KRT86: variants seen among roughly 807,000 people sequenced by gnomAD.
The protein encoded by KRT86 is keratin, type II cuticular Hb6.
A neutral mutation model predicts 41.2 loss-of-function variants in KRT86; 30 were observed. The ratio of observed to expected loss-of-function variants is 0.73; its 90% confidence interval spans 0.54 to 0.99. The LOEUF (loss-of-function observed/expected upper bound fraction) is 0.99, where lower values mean the gene tolerates loss of function less well. KRT86 is among the 50% of genes least tolerant of loss of function. The pLI is 0.00. For missense variants in KRT86, 561 were observed against 571.4 expected (o/e 0.98, Z 0.19); for synonymous variants, 238 against 238.1 (o/e 1.00, Z 0.00).
intron 2 of KRT86, among the ~76,000 whole-genome samples, chr12:52,288,745 C>T (rs1473097455): frequency 2.0e-5 from 3 of 152,080 alleles, no homozygotes; most frequent in Non-Finnish European, 4.4e-5. Flanking sequence ...ACTGACCCCC[C>T]AGCTCTCACA....
intron 2 of KRT86, chr12:52,287,896 G>T: frequency 1.9e-6 from 3 of 1,609,136 alleles, no homozygotes; most frequent in Non-Finnish European, 2.6e-6. Flanking sequence ...CTAGGGACCA[G>T]CATCCCCAGA....
chr12:52,291,490 A>C, intron 2 of KRT86: 1 of 1,611,940 alleles, frequency 6.2e-7, no homozygotes. Context: ...TTTGGGTTGC[A>C]GAGGACAGGA....
At chr12:52,308,366 C>G (rs779589975) in intron 10 of KRT86, 38 bp from the exon 11 acceptor site, 1 of 1,611,444 alleles carries the variant, frequency 6.2e-7, no homozygotes, top group South Asian at 1.1e-5. Flanking sequence ...CAGGTCGCGG[C>G]TGCGCCTGAC....
chr12:52,305,720 G>A lies in KRT86; in HGVS notation c.958G>A (p.Glu320Lys). Residue 320 changes from glutamate (E) to lysine (K), a missense_variant, in exon 8 of 11, where the codon GAG (glutamate) becomes AAG (lysine). Glu to Lys is a moderately conservative substitution (Grantham distance 56, BLOSUM62 1). This residue lies in a region of KRT86 where 397 missense variants were observed against 375.9 expected (regional missense o/e 1.06). Coordinates refer to ENST00000423955, the MANE Select transcript of KRT86 (RefSeq NM_001320198.2). ...RHGETLRRTK[E>K]EINELNRMIQ... ...CGGGGAGACCCTGCGCCGCACCAAGGAGGAGATCAACGAGCTGAACCGCAT... is the reference window on the plus strand; with the variant it reads ...CGGGGAGACCCTGCGCCGCACCAAGAAGGAGATCAACGAGCTGAACCGCAT... The A allele has an allele frequency of 3.7e-6, 6 of 1,614,084 alleles. No homozygotes were observed. The highest frequency in any genetic ancestry group is 5.1e-6 in the Non-Finnish European group (6 of 1,179,936).
chr12:52,276,075 A>G (rs968431961), intron 2 of KRT86, 129 bp downstream of exon 2: 3 of 931,088 alleles, frequency 3.2e-6, no homozygotes, highest in Non-Finnish European at 2.6e-6. Flanking sequence ...ATGTCTAAGC[A>G]TACAGCAGTG....
intron 2 of KRT86, chr12:52,285,768 C>A: frequency 5.5e-6 from 1 of 182,606 alleles, no homozygotes; most frequent in Non-Finnish European, 1.2e-5. Flanking sequence ...CAACTCTTGG[C>A]TAAATCTGAA....
In KRT86 at chr12:52,306,217, C is replaced by G. The variant is rs1328116444; in HGVS notation, c.1184C>G (p.Ser395Cys). The change falls in exon 9 of 11, where the codon TCC (serine) becomes TGC (cysteine). Residue 395 changes from serine (S) to cysteine (C), a missense_variant. This residue lies in a region of KRT86 where 397 missense variants were observed against 375.9 expected (regional missense o/e 1.06). Coordinates refer to ENST00000423955, the MANE Select transcript of KRT86 (RefSeq NM_001320198.2). Reference sequence around the variant, plus strand: ...AGGGAGTACCAGGAGGTGATGAACTCCAAGCTGGGCCTGGACATCGAGATC... The same window carrying G: ...AGGGAGTACCAGGAGGTGATGAACTGCAAGCTGGGCCTGGACATCGAGATC... ...LIREYQEVMN[S>C]KLGLDIEIAT... is the part of the protein sequence containing the mutation. 3.1e-6 allele frequency: 5 copies of G among 1,613,740 alleles called. No homozygotes were observed. Among genetic ancestry groups the G allele is most frequent in the Middle Eastern group, 3.5e-4 (2 of 5,700 alleles).
chr12:52,305,382 C>T lies in KRT86; in HGVS notation c.878C>T (p.Ala293Val), dbSNP rs376319970. 3.1e-6 allele frequency: 5 copies of T among 1,614,226 alleles called. No homozygotes were observed. The highest frequency in any genetic ancestry group is 4.2e-6 in the Non-Finnish European group (5 of 1,180,044). ...ATTGTCACCCGTAGCCGGGCTGAGG[C>T]CGAGTCCTGGTACCGCAGCAAGGTG... ...DDIVTRSRAE[A>V]ESWYRSKCEE... The change falls in exon 7 of 11, where the codon GCC becomes GTC. Residue 293 changes from alanine to valine, a missense_variant. Physicochemically the swap from Ala to Val is moderately conservative, Grantham distance 64. Around this residue, in one of 3 missense-constraint regions of KRT86, gnomAD observed 397 missense variants for 375.9 expected, o/e 1.06. Transcript: ENST00000423955.
chr12:52,297,536 C>T (rs74093106), intron 2 of KRT86, among the ~76,000 whole-genome samples: 1,842 of 152,226 alleles, frequency 0.012, 42 homozygotes, highest in African/African-American at 0.042. Context: ...CAGAATGAAC[C>T]GAAGGGAGCA....
rs375883206 is a variant in KRT86, at chr12:52,288,411, C to G, written c.-5+12465C>G. On this transcript the variant is annotated intron_variant, in intron 2 of 10. Coordinates refer to ENST00000423955, the MANE Select transcript of KRT86 (RefSeq NM_001320198.2). Reference sequence around the variant, plus strand: ...TCGATCTCCTGGATCAGGGCCTCCACGTTGGCCTCCAGGTCTGACTTGCGG... The same window carrying G: ...TCGATCTCCTGGATCAGGGCCTCCAGGTTGGCCTCCAGGTCTGACTTGCGG... 54 of 1,614,168 alleles carry G rather than the reference C, an allele frequency of 3.3e-5. No homozygotes were observed. In the Middle Eastern group the frequency reaches 2.5e-3, roughly 74 times the overall value.
chr12:52,305,220 A>C lies in KRT86; in HGVS notation c.736-20A>C. On this transcript the variant is annotated intron_variant, in intron 6 of 10. Transcript: ENST00000423955. ...TGGGGCTGTGTTCTCAACTAAAGTC[A>C]CTGCCCTCACCTCCTGCAGGAGATC... 1 of 1,614,196 alleles carries C rather than the reference A, an allele frequency of 6.2e-7. No homozygotes were observed.
chr12:52,294,117 C>T lies in KRT86; in HGVS notation c.-4-7796C>T, dbSNP rs937895203. 2.0e-5 allele frequency among the ~76,000 whole-genome samples: 3 copies of T among 152,104 alleles called. 1 individual carries two copies. Among genetic ancestry groups the T allele is most frequent in the African/African-American group, 7.2e-5 (3 of 41,396 alleles). ...CCTTTGTGAGTTCAGGGCTGCTGGG[C>T]CAGCACTTCTGAAGCTCTTTGTACC... is the stretch of plus-strand genomic sequence containing the variant. On this transcript the variant is annotated intron_variant, in intron 2 of 10. Transcript: ENST00000423955.
intron 2 of KRT86, chr12:52,278,843 C>T (rs971822728): frequency 6.6e-6 from 1 of 151,882 alleles, no homozygotes; most frequent in Non-Finnish European, 1.5e-5. Context: ...TGTGCCTCTC[C>T]TTTTGTCGGG....
intron 2 of KRT86, chr12:52,291,416 G>T (rs1938118887): frequency 6.2e-7 from 1 of 1,611,768 alleles, no homozygotes; most frequent in South Asian, 1.1e-5. Context: ...CGGCCCGCAG[G>T]CCGAGATGCA....
In KRT86 at chr12:52,304,883, A is replaced by G. The variant is rs532803731; in HGVS notation, c.640-49A>G. The G allele has an allele frequency of 9.4e-6, 15 of 1,589,294 alleles. No individual in the cohort carries two copies. In the African/African-American group the frequency reaches 1.1e-4, roughly 11 times the overall value. ...TGGGTGGGAAGAGAGAGGAATCTAG[A>G]GGCTGGATCACCAGGGTCCTTGAGC... On this transcript the variant is annotated intron_variant, in intron 5 of 10. Coordinates refer to ENST00000423955, the MANE Select transcript of KRT86 (RefSeq NM_001320198.2).
intron 2 of KRT86, among the ~76,000 whole-genome samples, chr12:52,300,384 C>T (rs1225656795): frequency 6.6e-6 from 1 of 152,182 alleles, no homozygotes; most frequent in Non-Finnish European, 1.5e-5. Context: ...TCTGAATAAA[C>T]ACTGCCCCTG....
intron 2 of KRT86, among the ~76,000 whole-genome samples, chr12:52,296,598 G>A (rs1432634911): frequency 6.6e-6 from 1 of 152,204 alleles, no homozygotes; most frequent in East Asian, 1.9e-4. Context: ...TCTCTGGTGA[G>A]TTCTGATGGA....
At chr12:52,274,818 C>A in intron 1 of KRT86, 96 bp downstream of exon 1, 1 of 812,086 alleles carries the variant, frequency 1.2e-6, no homozygotes, top group Non-Finnish European at 1.5e-6. Context: ...GGAACAGGAG[C>A]AGAAAAGTTG....
intron 2 of KRT86, among the ~76,000 whole-genome samples, chr12:52,301,183 G>A (rs1458979290): frequency 2.0e-5 from 3 of 151,830 alleles, no homozygotes; most frequent in Admixed American, 2.0e-4. Flanking sequence ...GTTGTGAGTA[G>A]GAAGGCCAGC....
Sources: allele counts gnomAD v4.1 joint callset (sites outside exome capture counted in the v4.1 genomes callset), GRCh38; gene constraint gnomAD v4.1.1; regional missense constraint gnomAD v4.1.1; transcripts MANE v1.5; gene names NCBI Gene and HGNC (gene_info 2026-07-23, HGNC 2026-07-21).